CCSER1: variants seen among roughly 807,000 people sequenced by gnomAD.
CCSER1 encodes the protein coiled-coil serine rich protein 1, also known as serine-rich coiled-coil domain-containing protein 1.
In CCSER1, 41 loss-of-function variants were observed where a neutral mutation model predicts 82.0. That is an observed-to-expected ratio of 0.50 (90% CI 0.39 to 0.65). The LOEUF (loss-of-function observed/expected upper bound fraction) is 0.65, where lower values mean the gene tolerates loss of function less well. Among genes scored for constraint, CCSER1 ranks in the 30% least tolerant of loss-of-function variants. The probability of loss-of-function intolerance (pLI) is 0.00; values close to 1 mark genes in which losing one functional copy is unlikely to be tolerated. For missense variants in CCSER1, 1,119 were observed against 1,064.2 expected (o/e 1.05, Z -0.72); for synonymous variants, 414 against 383.9 (o/e 1.08, Z -0.92).
intron 1 of CCSER1, among the ~76,000 whole-genome samples, chr4:90,271,849 TATATATATATA>T (rs1249504149): frequency 2.5e-4 from 6 of 24,218 alleles, no homozygotes; most frequent in South Asian, 1.6e-3. Context: ...TATATATATA[TATATATATATA>T]TATTTTTTTT....
chr4:90,514,214 G>A (rs1347881884), intron 5 of CCSER1, among the ~76,000 whole-genome samples: 1 of 151,932 alleles, frequency 6.6e-6, no homozygotes, highest in Non-Finnish European at 1.5e-5. Flanking sequence ...ACGAGATTAA[G>A]CTCTGGATGA....
intron 4 of CCSER1, among the ~76,000 whole-genome samples, chr4:90,411,859 A>G (rs1578342943): frequency 6.6e-6 from 1 of 152,322 alleles, no homozygotes; most frequent in East Asian, 1.9e-4. Flanking sequence ...ACATGATTGT[A>G]CATCTAGAAA....
chr4:90,879,271 G>T (rs565067357), intron 8 of CCSER1, among the ~76,000 whole-genome samples: 1 of 152,138 alleles, frequency 6.6e-6, no homozygotes, highest in East Asian at 1.9e-4. Flanking sequence ...GACCTATTAG[G>T]TTCCTTTTTA....
intron 10 of CCSER1, among the ~76,000 whole-genome samples, chr4:91,438,328 A>G (rs1754828534): frequency 2.0e-5 from 3 of 152,140 alleles, no homozygotes; most frequent in African/African-American, 7.2e-5. Context: ...GGTTCATGAA[A>G]ATCTGCGGTT....
intron 10 of CCSER1, among the ~76,000 whole-genome samples, chr4:91,406,339 C>T (rs1752699004): frequency 6.6e-6 from 1 of 152,156 alleles, no homozygotes; most frequent in Non-Finnish European, 1.5e-5. Flanking sequence ...CTCTTTTACT[C>T]CAAAGCTTAT....
intron 1 of CCSER1, among the ~76,000 whole-genome samples, chr4:90,128,641 G>C (rs1722269812): frequency 6.6e-6 from 1 of 152,118 alleles, no homozygotes; most frequent in Admixed American, 6.5e-5. Flanking sequence ...CCAGGGACTC[G>C]TACACACGGT....
intron 10 of CCSER1, among the ~76,000 whole-genome samples, chr4:91,250,072 A>G (rs1740137263): frequency 6.6e-6 from 1 of 151,918 alleles, no homozygotes; most frequent in South Asian, 2.1e-4. Context: ...TTTCCCTTAA[A>G]CTCTTTCTGC....
At chr4:90,823,882 T>A (rs1464905132) in intron 8 of CCSER1, among the ~76,000 whole-genome samples, 1 of 152,022 alleles carries the variant, frequency 6.6e-6, no homozygotes, top group Non-Finnish European at 1.5e-5. Flanking sequence ...TTACATTTAT[T>A]AAAATTTACT....
At position 91,605,039 on chromosome 4, in the gene CCSER1, C is replaced by T. The variant is rs1764913946; in HGVS notation, c.*5982C>T. On this transcript the variant is annotated 3_prime_UTR_variant, in exon 11 of 11. Coordinates refer to ENST00000509176, the MANE Select transcript of CCSER1 (RefSeq NM_001145065.2). ...AACATTGATAATAGTTTTTTTAATT[C>T]ATCATCTCTAAAACTCTAAAACTTT... 6.6e-6 allele frequency: 1 copy of T among 151,550 alleles called. No individual in the cohort carries two copies. Among genetic ancestry groups the T allele is most frequent in the East Asian group, 1.9e-4 (1 of 5,152 alleles). The allele number at this position is 151,550 out of a possible 1,614,324, so 9.4% of individuals were successfully genotyped here. A position where few individuals can be genotyped will look rare whatever the true frequency, so the allele number is the denominator to read the frequency against.
chr4:90,872,290 C>G (rs886689718), intron 8 of CCSER1, among the ~76,000 whole-genome samples: 2 of 151,694 alleles, frequency 1.3e-5, no homozygotes, highest in African/African-American at 4.8e-5. Flanking sequence ...TCTATCCTGG[C>G]ATACTTTTTG....
chr4:91,186,306 T>G (rs1281040443), intron 10 of CCSER1, among the ~76,000 whole-genome samples: 2 of 152,156 alleles, frequency 1.3e-5, no homozygotes, highest in Non-Finnish European at 2.9e-5. Flanking sequence ...TCCTTCCTCC[T>G]CCTCATCAGT....
chr4:90,915,058 G>A (rs11721710), intron 8 of CCSER1, among the ~76,000 whole-genome samples: 7,210 of 152,136 alleles, frequency 0.047, 489 homozygotes, highest in African/African-American at 0.15. Flanking sequence ...TGGACCAGAC[G>A]GATTCACAGC....
chr4:90,387,251 A>G (rs560996569), intron 3 of CCSER1, among the ~76,000 whole-genome samples: 3 of 152,236 alleles, frequency 2.0e-5, no homozygotes, highest in East Asian at 1.9e-4. Context: ...AAAAACCTCT[A>G]TGATACTCCT....
chr4:90,391,541 C>T (rs147559556), intron 3 of CCSER1, among the ~76,000 whole-genome samples: 1,491 of 112,768 alleles, frequency 0.013, 31 homozygotes, highest in African/African-American at 0.036. Flanking sequence ...ACTGTGTACT[C>T]ATAAAATTAA....
At chr4:91,547,570 A>G (rs1192988633) in intron 10 of CCSER1, among the ~76,000 whole-genome samples, 2 of 152,170 alleles carry the variant, frequency 1.3e-5, no homozygotes, top group African/African-American at 2.4e-5. Flanking sequence ...ATGTGCCTTC[A>G]TATTTAAAAT....
intron 10 of CCSER1, among the ~76,000 whole-genome samples, chr4:91,507,254 T>C (rs969984946): frequency 2.0e-5 from 3 of 152,112 alleles, no homozygotes; most frequent in African/African-American, 4.8e-5. Context: ...CAGCAACATA[T>C]GAGGATTTCA....
At chr4:90,817,084 G>A (rs796700647) in intron 8 of CCSER1, among the ~76,000 whole-genome samples, 10 of 152,140 alleles carry the variant, frequency 6.6e-5, no homozygotes, top group African/African-American at 2.2e-4. Context: ...ACATATTGTA[G>A]TGTCAATTTT....
intron 6 of CCSER1, among the ~76,000 whole-genome samples, chr4:90,711,811 C>T (rs75498316): frequency 0.018 from 2,704 of 151,410 alleles, 65 homozygotes; most frequent in African/African-American, 0.056. Flanking sequence ...TGTTGTATCT[C>T]TGCCAGGTTT....
intron 10 of CCSER1, among the ~76,000 whole-genome samples, chr4:91,140,862 C>G (rs563272385): frequency 6.6e-6 from 1 of 152,176 alleles, no homozygotes; most frequent in East Asian, 1.9e-4. Flanking sequence ...TTGATGCAGG[C>G]ATATATTGCA....
Sources: gnomAD v4.1 joint callset for allele counts (sites outside exome capture counted in the v4.1 genomes callset) on GRCh38, gnomAD v4.1.1 for gene constraint, MANE v1.5 for transcripts, NCBI Gene and HGNC (gene_info 2026-07-23, HGNC 2026-07-21) for gene names.